SYNPR: variants seen among roughly 807,000 people sequenced by gnomAD.
SYNPR encodes synaptoporin.
A neutral mutation model predicts 32.9 loss-of-function variants in SYNPR; 23 were observed. That is an observed-to-expected ratio of 0.70 (90% CI 0.50 to 0.99). The LOEUF is 0.99. SYNPR is among the 50% of genes least tolerant of loss of function. The pLI, the probability that SYNPR is intolerant of heterozygous loss-of-function variation, is 0.00. For missense variants in SYNPR, 318 were observed against 349.3 expected, an observed-to-expected ratio of 0.91 and a Z score of 0.71; for synonymous variants, 146 against 135.9, an observed-to-expected ratio of 1.07 and a Z score of -0.52.
chr3:63,609,451 C>CTTT, intron 5 of SYNPR, 135 bp downstream of exon 5: 20 of 690,342 alleles, frequency 2.9e-5, no homozygotes, highest in Non-Finnish European at 3.6e-5. Flanking sequence ...GATACTTCAC[C>CTTT]TCAGGTACAG....
intron 2 of SYNPR, among the ~76,000 whole-genome samples, chr3:63,343,290 GCA>G (rs1172369671): frequency 6.6e-6 from 1 of 152,182 alleles, no homozygotes; most frequent in Non-Finnish European, 1.5e-5. Flanking sequence ...GAAAAATCAT[GCA>G]CAGATTTATA....
intron 1 of SYNPR, among the ~76,000 whole-genome samples, chr3:63,242,112 T>G (rs889919170): frequency 6.6e-6 from 1 of 151,920 alleles, no homozygotes; most frequent in African/African-American, 2.4e-5. Flanking sequence ...TCTGAATGCA[T>G]AAAATAGATA....
chr3:63,252,440 T>A (rs1327569791), intron 1 of SYNPR: 3 of 152,212 alleles, frequency 2.0e-5, no homozygotes, highest in Non-Finnish European at 4.4e-5. Flanking sequence ...GTGTCTTAAA[T>A]ATTTTTTGGC....
At chr3:63,209,611 G>A in the SYNPR span, among the ~76,000 whole-genome samples, 1 of 152,038 alleles carries the variant, frequency 6.6e-6, no homozygotes, top group Non-Finnish European at 1.5e-5. Flanking sequence ...GCATGTTCTG[G>A]CTCCTTCTCA....
intron 2 of SYNPR, among the ~76,000 whole-genome samples, chr3:63,416,478 G>C (rs1046971475): frequency 6.8e-6 from 1 of 146,572 alleles, no homozygotes; most frequent in African/African-American, 2.5e-5. Context: ...GTTTCAGTGA[G>C]CTGAGATTGT....
rs576178365 is a variant in SYNPR, at chr3:63,457,383, C to G, written c.85-23449C>G. On this transcript the variant is annotated intron_variant, in intron 2 of 5. Coordinates refer to ENST00000478300, the MANE Select transcript of SYNPR (RefSeq NM_001130003.2). ...TTTATTTTTTATTTTTTATTCCTTA[C>G]GATCTTAAGATGTCACTCTTTTTCC... 5.9e-5 allele frequency among the ~76,000 whole-genome samples: 9 copies of G among 151,950 alleles called. 1 individual carries two copies. Among genetic ancestry groups the G allele is most frequent in the African/African-American group, 1.7e-4 (7 of 41,432 alleles).
chr3:63,403,995 T>C (rs1204679928), intron 2 of SYNPR, among the ~76,000 whole-genome samples: 1 of 152,198 alleles, frequency 6.6e-6, no homozygotes, highest in African/African-American at 2.4e-5. Flanking sequence ...GTTGATAATA[T>C]TTAGAAAGGT....
intron 4 of SYNPR, among the ~76,000 whole-genome samples, chr3:63,599,268 G>T (rs1700004939): frequency 6.6e-6 from 1 of 152,114 alleles, no homozygotes; most frequent in African/African-American, 2.4e-5. Flanking sequence ...TAATCATACA[G>T]AATTTATAAA....
chr3:63,611,221 C>T (rs1700192484), intron 5 of SYNPR, among the ~76,000 whole-genome samples: 1 of 152,164 alleles, frequency 6.6e-6, no homozygotes, highest in South Asian at 2.1e-4. Flanking sequence ...CTAGAAAGAG[C>T]AGAATCTAGA....
At chr3:63,252,931 T>C (rs1010403348) in intron 2 of SYNPR, among the ~76,000 whole-genome samples, 1 of 151,286 alleles carries the variant, frequency 6.6e-6, no homozygotes, top group Non-Finnish European at 1.5e-5. Context: ...CCCAGCTACT[T>C]GGGAGGCTGA....
chr3:63,408,206 A>AAAG (rs2088395603), intron 2 of SYNPR, among the ~76,000 whole-genome samples: 76 of 60,808 alleles, frequency 1.2e-3, no homozygotes, highest in Non-Finnish European at 1.9e-3. Context: ...GGAAGGAAGG[A>AAAG]AGGAAGGAAG....
At chr3:63,246,535 G>A (rs2086291963) in intron 1 of SYNPR, among the ~76,000 whole-genome samples, 1 of 152,094 alleles carries the variant, frequency 6.6e-6, no homozygotes. Context: ...GAGTGAAGGA[G>A]ATAAGAATCT....
chr3:63,379,956 C>A (rs1018093944), intron 2 of SYNPR, among the ~76,000 whole-genome samples: 7 of 151,872 alleles, frequency 4.6e-5, no homozygotes, highest in Non-Finnish European at 8.8e-5. Context: ...TTTGTCCTTG[C>A]GATAGTTTGC....
chr3:63,445,348 T>C (rs1031195922), intron 2 of SYNPR, among the ~76,000 whole-genome samples: 7 of 152,204 alleles, frequency 4.6e-5, no homozygotes, highest in African/African-American at 1.7e-4. Flanking sequence ...ATCTGTATCT[T>C]TAAAAGGTCG....
chr3:63,594,260 C>T (rs1409582078), intron 4 of SYNPR, among the ~76,000 whole-genome samples: 1 of 152,042 alleles, frequency 6.6e-6, no homozygotes, highest in Non-Finnish European at 1.5e-5. Flanking sequence ...ATGTTGCAAC[C>T]AAAGTTTAGC....
chr3:63,321,940 G>T (rs147047218), intron 2 of SYNPR, among the ~76,000 whole-genome samples: 1 of 152,198 alleles, frequency 6.6e-6, no homozygotes, highest in East Asian at 1.9e-4. Flanking sequence ...GAAATTAGCA[G>T]TTCTCAGCTC....
At chr3:63,552,046 C>T (rs946785694) in intron 3 of SYNPR, among the ~76,000 whole-genome samples, 8 of 151,734 alleles carry the variant, frequency 5.3e-5, no homozygotes, top group African/African-American at 1.7e-4. Flanking sequence ...TACAGGTGCC[C>T]GCCACCATGT....
At chr3:63,347,859 G>A (rs2087456739) in intron 2 of SYNPR, among the ~76,000 whole-genome samples, 1 of 146,190 alleles carries the variant, frequency 6.8e-6, no homozygotes, top group Admixed American at 6.9e-5. Flanking sequence ...CGTGTGTATG[G>A]CTGAATAGTA....
chr3:63,394,345 C>A (rs955787268), intron 2 of SYNPR, among the ~76,000 whole-genome samples: 1 of 152,196 alleles, frequency 6.6e-6, no homozygotes, highest in African/African-American at 2.4e-5. Context: ...CTTACTCACT[C>A]TAATCCAGAA....
Sources: gnomAD v4.1 joint callset for allele counts (sites outside exome capture counted in the v4.1 genomes callset) on GRCh38, gnomAD v4.1.1 for gene constraint, MANE v1.5 for transcripts, NCBI Gene and HGNC (gene_info 2026-07-23, HGNC 2026-07-21) for gene names.